The following NEMP2 variants were observed in gnomAD, a reference collection of about 807,000 sequenced individuals.
NEMP2 encodes the protein nuclear envelope integral membrane protein 2.
Under a neutral mutation model 54.2 loss-of-function variants are expected in NEMP2, and 53 were observed. The observed-to-expected ratio is 0.98, with a 90% CI of 0.78 to 1.23. The LOEUF is 1.23. NEMP2 is among the 50% of genes most tolerant of loss of function. The pLI, the probability that NEMP2 is intolerant of heterozygous loss-of-function variation, is 0.00. For synonymous variants in NEMP2, 197 were observed against 190.3 expected, an observed-to-expected ratio of 1.04 and a Z score of -0.29; for missense variants, 455 against 511.3, an observed-to-expected ratio of 0.89 and a Z score of 1.06.
chr2:190,458,403 G>A, the NEMP2 span, among the ~76,000 whole-genome samples: 6 of 152,264 alleles, frequency 3.9e-5, no homozygotes, highest in Middle Eastern at 3.4e-3. This position sits in a 1 kb window ranked among gnomAD's most constrained non-coding sequence, Gnocchi z 5.3. Flanking sequence ...AGGATGACTT[G>A]TCTGCAAGCC....
At chr2:190,592,240 T>C in the NEMP2 span, among the ~76,000 whole-genome samples, 1 of 152,154 alleles carries the variant, frequency 6.6e-6, no homozygotes, top group Admixed American at 6.5e-5. This position sits in a 1 kb window ranked among gnomAD's most constrained non-coding sequence, Gnocchi z 4.4. Flanking sequence ...TGAAATCCAG[T>C]TTAACCGTTG....
the NEMP2 span, among the ~76,000 whole-genome samples, chr2:190,465,860 G>A: frequency 1.3e-5 from 2 of 152,136 alleles, no homozygotes; most frequent in African/African-American, 4.8e-5. This position sits in a 1 kb window ranked among gnomAD's most constrained non-coding sequence, Gnocchi z 4.6. Flanking sequence ...GGGCCTGGTA[G>A]CATGCACCTG....
chr2:190,422,866 A>AT, the NEMP2 span, among the ~76,000 whole-genome samples: 1 of 150,368 alleles, frequency 6.7e-6, no homozygotes, highest in African/African-American at 2.4e-5. Context: ...TATCTGTCTC[A>AT]TTTTTTCTCT....
the NEMP2 span, among the ~76,000 whole-genome samples, chr2:190,585,135 A>C: frequency 6.6e-6 from 1 of 152,210 alleles, no homozygotes; most frequent in Admixed American, 6.5e-5. This position sits in a 1 kb window ranked among gnomAD's most constrained non-coding sequence, Gnocchi z 5.3. Flanking sequence ...GCATTTGGAA[A>C]CGTTCCCTGT....
the NEMP2 span, among the ~76,000 whole-genome samples, chr2:190,428,477 G>A: frequency 6.6e-6 from 1 of 152,092 alleles, no homozygotes; most frequent in African/African-American, 2.4e-5. Context: ...TACAGGTTGA[G>A]CATCCCTTAT....
the NEMP2 span, among the ~76,000 whole-genome samples, chr2:190,559,376 G>T: frequency 9.8e-5 from 15 of 152,314 alleles, no homozygotes; most frequent in African/African-American, 3.4e-4. The surrounding 1 kb of genome is among the most constrained non-coding windows in gnomAD (Gnocchi z 4.0). Flanking sequence ...GGGAGAGAAA[G>T]ATGAAAGATT....
the NEMP2 span, among the ~76,000 whole-genome samples, chr2:190,564,131 GT>G: frequency 6.6e-6 from 1 of 152,238 alleles, no homozygotes; most frequent in Non-Finnish European, 1.5e-5. This position sits in a 1 kb window ranked among gnomAD's most constrained non-coding sequence, Gnocchi z 4.2. Context: ...ATGCCACATG[GT>G]GTGAACAGAA....
chr2:190,575,030 T>A, the NEMP2 span, among the ~76,000 whole-genome samples: 2 of 151,958 alleles, frequency 1.3e-5, no homozygotes, highest in Admixed American at 1.3e-4. Flanking sequence ...ACTTTTTTTG[T>A]ATTTTTAGTA....
chr2:190,639,490 G>A, the NEMP2 span, among the ~76,000 whole-genome samples: 1 of 151,288 alleles, frequency 6.6e-6, no homozygotes, highest in Admixed American at 6.6e-5. Context: ...TTGACCTCCT[G>A]GTTTTTGTTG....
chr2:190,523,677 GA>G lies in NEMP2; in HGVS notation c.213+1585del, dbSNP rs1690831382. ...CACGCCTAGAACATCTTGTTTGTTA[GA>G]AAGTAAAGTAGTGCTCAAAAATGCT... On this transcript the variant is annotated intron_variant, in intron 2 of 8. Coordinates refer to ENST00000409150, the MANE Select transcript of NEMP2 (RefSeq NM_001142645.2). The surrounding 1 kb of genome is among the most constrained non-coding windows in gnomAD (Gnocchi z 5.3). Among the ~76,000 whole-genome samples, 1 of 152,212 alleles carries G rather than the reference GA, an allele frequency of 6.6e-6. No individual in the cohort carries two copies. Among genetic ancestry groups the G allele is most frequent in the Admixed American group, 6.5e-5 (1 of 15,280 alleles).
chr2:190,633,157 C>T, the NEMP2 span, among the ~76,000 whole-genome samples: 2 of 152,194 alleles, frequency 1.3e-5, no homozygotes, highest in East Asian at 3.8e-4. Context: ...GCTCCACCTA[C>T]TCGGACCACC....
rs1690747841 is a variant in NEMP2 at position 190,521,453 on chromosome 2, C to G, written c.214-2270G>C. 6.6e-6 allele frequency among the ~76,000 whole-genome samples: 1 copy of G among 152,160 alleles called. No individual in the cohort carries two copies. Among genetic ancestry groups the G allele is most frequent in the East Asian group, 1.9e-4 (1 of 5,196 alleles). On this transcript the variant is annotated intron_variant, in intron 2 of 8. Coordinates refer to ENST00000409150, the MANE Select transcript of NEMP2 (RefSeq NM_001142645.2). The surrounding 1 kb of genome is among the most constrained non-coding windows in gnomAD (Gnocchi z 6.2). ...CCACGTTTGCCTACTCAAGGACATC[C>G]CAGCAGCAGTTCTTCCCTCTCTACG...
the NEMP2 span, among the ~76,000 whole-genome samples, chr2:190,449,989 G>A: frequency 2.0e-3 from 303 of 151,818 alleles, no homozygotes; most frequent in African/African-American, 5.6e-3. Context: ...CATTGTGCAC[G>A]TGTACCCTAA....
the NEMP2 span, among the ~76,000 whole-genome samples, chr2:190,448,326 A>T: frequency 6.6e-6 from 1 of 152,326 alleles, no homozygotes; most frequent in East Asian, 1.9e-4. Context: ...CCCTGGAGAA[A>T]CTCATACACA....
At chr2:190,576,277 AC>A in the NEMP2 span, among the ~76,000 whole-genome samples, 1 of 152,254 alleles carries the variant, frequency 6.6e-6, no homozygotes, top group East Asian at 1.9e-4. Flanking sequence ...TGCCTGCATT[AC>A]TTTTTGTAAT....
the NEMP2 span, among the ~76,000 whole-genome samples, chr2:190,574,146 A>G: frequency 6.6e-6 from 1 of 152,128 alleles, no homozygotes. Context: ...CCTTTGCAAC[A>G]TTTGTTTATG....
the NEMP2 span, among the ~76,000 whole-genome samples, chr2:190,581,394 G>A: frequency 2.0e-5 from 3 of 152,150 alleles, no homozygotes; most frequent in Admixed American, 1.3e-4. Flanking sequence ...ACAGAAAAGT[G>A]TGTATATGTA....
In NEMP2 at chr2:190,520,021, C is replaced by G. The variant is rs1252221502; in HGVS notation, c.214-838G>C. On this transcript the variant is annotated intron_variant, in intron 2 of 8. Coordinates refer to ENST00000409150, the MANE Select transcript of NEMP2 (RefSeq NM_001142645.2). This position sits in a 1 kb window ranked among gnomAD's most constrained non-coding sequence, Gnocchi z 5.4. ...ATAATTCTATTGCACCCTTAATAGA[C>G]TAACAGTATAGTAGAAACATAACTT... Among the ~76,000 whole-genome samples, 3 of 151,980 alleles carry G rather than the reference C, an allele frequency of 2.0e-5. No individual in the cohort carries two copies. The highest frequency in any genetic ancestry group is 2.9e-5 in the Non-Finnish European group (2 of 67,998).
the NEMP2 span, among the ~76,000 whole-genome samples, chr2:190,643,938 C>T: frequency 6.6e-6 from 1 of 151,896 alleles, no homozygotes; most frequent in Non-Finnish European, 1.5e-5. Flanking sequence ...AAAACAAAAA[C>T]AACAAAAAAG....
Sources: gnomAD v4.1 joint callset for allele counts (sites outside exome capture counted in the v4.1 genomes callset) on GRCh38, gnomAD v4.1.1 for gene constraint, Gnocchi (gnomAD v3.1) non-coding constraint, MANE v1.5 for transcripts, NCBI Gene and HGNC (gene_info 2026-07-23, HGNC 2026-07-21) for gene names.